CSMD1: variants seen among roughly 807,000 people sequenced by gnomAD.
CSMD1 encodes the protein CUB and Sushi multiple domains 1, also known as CUB and sushi domain-containing protein 1.
In CSMD1, 213 loss-of-function variants were observed where a neutral mutation model predicts 417.5. That is an observed-to-expected ratio of 0.51 (90% confidence interval 0.46 to 0.57). The LOEUF (loss-of-function observed/expected upper bound fraction) is 0.57, where lower values mean the gene tolerates loss of function less well. Ranked by LOEUF, CSMD1 falls within the 20% of genes least tolerant of loss-of-function variation. CSMD1 has a pLI of 0.00. For missense variants in CSMD1, 6,923 were observed against 4,529.7 expected, an observed-to-expected ratio of 1.53 and a Z score of -15.17; for synonymous variants, 2,862 against 1,736.8, an observed-to-expected ratio of 1.65 and a Z score of -16.11.
At chr8:4,411,800 T>C (rs1585034503) in intron 3 of CSMD1, among the ~76,000 whole-genome samples, 1 of 152,358 alleles carries the variant, frequency 6.6e-6, no homozygotes, top group African/African-American at 2.4e-5. Context: ...ACGTGGCATA[T>C]GCATTCACAT....
chr8:2,947,433 AG>A (rs900497641), intron 68 of CSMD1, among the ~76,000 whole-genome samples: 4 of 152,200 alleles, frequency 2.6e-5, no homozygotes, highest in Non-Finnish European at 5.9e-5. Flanking sequence ...AATTAGTTGA[AG>A]GGGGGACTTA....
chr8:4,437,721 A>G (rs1798226534), intron 2 of CSMD1, among the ~76,000 whole-genome samples: 1 of 152,146 alleles, frequency 6.6e-6, no homozygotes. Flanking sequence ...TATCTTATAT[A>G]CTTGCTTAGG....
At chr8:2,962,004 T>C (rs1803536708) in intron 61 of CSMD1, among the ~76,000 whole-genome samples, 1 of 152,354 alleles carries the variant, frequency 6.6e-6, no homozygotes, top group South Asian at 2.1e-4. Flanking sequence ...GACTAAGTAT[T>C]ACTTTTTTAC....
intron 26 of CSMD1, among the ~76,000 whole-genome samples, chr8:3,272,545 G>A (rs1301404101): frequency 7.2e-6 from 1 of 138,314 alleles, no homozygotes; most frequent in Non-Finnish European, 1.6e-5. Flanking sequence ...TCACGATATT[G>A]ATTCTTCCTA....
intron 42 of CSMD1, among the ~76,000 whole-genome samples, chr8:3,116,520 G>A (rs1392660902): frequency 1.3e-5 from 2 of 152,090 alleles, no homozygotes; most frequent in Non-Finnish European, 2.9e-5. Flanking sequence ...GCTGGTTTTG[G>A]GAGTCTGAAG....
chr8:4,893,389 GA>G lies in CSMD1; in HGVS notation c.85+100942del, dbSNP rs538898010. Among the ~76,000 whole-genome samples, 158 of 151,884 alleles carry G rather than the reference GA, an allele frequency of 1.0e-3. 2 individuals carry two copies. The highest frequency in any genetic ancestry group is 3.5e-3 in the African/African-American group (146 of 41,400). On this transcript the variant is annotated intron_variant, in intron 1 of 69. Transcript: ENST00000635120. ...TGTTTACCATGCTTTTATTAATACA[GA>G]ATTTTTTTTCTTAATGTTTATATTC...
intron 3 of CSMD1, among the ~76,000 whole-genome samples, chr8:4,197,116 C>G (rs551836186): frequency 1.1e-4 from 17 of 152,226 alleles, no homozygotes; most frequent in African/African-American, 3.9e-4. Flanking sequence ...AAAGTGTGTC[C>G]TCAAGCAGTT....
chr8:4,628,948 T>A (rs1802335556), intron 2 of CSMD1, among the ~76,000 whole-genome samples: 1 of 152,198 alleles, frequency 6.6e-6, no homozygotes, highest in Admixed American at 6.5e-5. Flanking sequence ...ACTGTGTTTA[T>A]TCTTAAATGA....
chr8:4,549,657 G>C (rs957939340), intron 2 of CSMD1, among the ~76,000 whole-genome samples: 2 of 152,044 alleles, frequency 1.3e-5, no homozygotes, highest in East Asian at 1.9e-4. Context: ...GGGAGGCTGA[G>C]GCAGGAAGAT....
At chr8:4,425,699 C>A (rs1365557049) in intron 2 of CSMD1, among the ~76,000 whole-genome samples, 1 of 152,076 alleles carries the variant, frequency 6.6e-6, no homozygotes, top group Non-Finnish European at 1.5e-5. Context: ...GGCTTATTTT[C>A]AACACATAGT....
intron 12 of CSMD1, among the ~76,000 whole-genome samples, chr8:3,429,532 C>A (rs1165628734): frequency 6.6e-6 from 1 of 152,078 alleles, no homozygotes; most frequent in African/African-American, 2.4e-5. Flanking sequence ...ACTTTGGGGG[C>A]TGTCAGGAAC....
chr8:3,408,416 T>C (rs1197730595), intron 13 of CSMD1, among the ~76,000 whole-genome samples, 191 bp from the exon 14 acceptor site: 4 of 152,194 alleles, frequency 2.6e-5, no homozygotes, highest in Admixed American at 1.3e-4. Context: ...GAATATTTCA[T>C]TATCATATAG....
intron 6 of CSMD1, among the ~76,000 whole-genome samples, chr8:3,722,561 T>A (rs1802248745): frequency 6.6e-6 from 1 of 152,148 alleles, no homozygotes; most frequent in Non-Finnish European, 1.5e-5. Flanking sequence ...CTTGTCAATG[T>A]CTCCAAAATA....
intron 2 of CSMD1, among the ~76,000 whole-genome samples, chr8:4,478,843 T>A (rs1351410692): frequency 1.3e-5 from 2 of 152,226 alleles, no homozygotes; most frequent in Non-Finnish European, 2.9e-5. Flanking sequence ...TGCTTTGACA[T>A]CCATACTTAG....
intron 3 of CSMD1, among the ~76,000 whole-genome samples, chr8:4,131,876 C>CA (rs2130983167): frequency 6.7e-6 from 1 of 148,882 alleles, no homozygotes; most frequent in Non-Finnish European, 1.5e-5. Flanking sequence ...CATTCTCCTG[C>CA]CTTAGTCTCC....
rs11782244 is a variant in CSMD1, at chr8:3,758,582, A to C, written c.819-4540T>G. Among the ~76,000 whole-genome samples the C allele has an allele frequency of 2.5e-4, 38 of 152,000 alleles. 1 individual carries two copies. Among genetic ancestry groups the C allele is most frequent in the Non-Finnish European group, 1.5e-5 (1 of 68,000 alleles). On this transcript the variant is annotated intron_variant, in intron 5 of 69. Coordinates refer to ENST00000635120, the MANE Select transcript of CSMD1 (RefSeq NM_033225.6). ...TAAACTCAGTTGTTTCTTCATTACA[A>C]ACTACGTAATTTAAAGGAAGATGAT...
At chr8:4,780,600 A>G (rs908438515) in intron 1 of CSMD1, among the ~76,000 whole-genome samples, 3 of 129,720 alleles carry the variant, frequency 2.3e-5, no homozygotes, top group Admixed American at 1.6e-4. Flanking sequence ...TTATTGGGGT[A>G]CAGGTGGTAT....
intron 1 of CSMD1, among the ~76,000 whole-genome samples, chr8:4,669,727 T>G (rs1048353516): frequency 2.6e-5 from 4 of 152,186 alleles, no homozygotes; most frequent in Non-Finnish European, 5.9e-5. Context: ...AAACCCTCTT[T>G]ACATAGTTTT....
At chr8:3,310,794 CACACAGCACCCAGGAGGTATCCACCTTA>C (rs151071404) in intron 23 of CSMD1, among the ~76,000 whole-genome samples, 41,541 of 151,830 alleles carry the variant, frequency 0.27, 6,588 homozygotes, top group East Asian at 0.4. Flanking sequence ...TGGGGTTCTG[CACACAGCACCCAGGAGGTATCCACCTTA>C]ACAAACCACA....
Sources: allele counts gnomAD v4.1 joint callset (sites outside exome capture counted in the v4.1 genomes callset), GRCh38; gene constraint gnomAD v4.1.1; transcripts MANE v1.5; gene names NCBI Gene and HGNC (gene_info 2026-07-23, HGNC 2026-07-21).